SYT16: variants seen among roughly 807,000 people sequenced by gnomAD.
SYT16 encodes the protein synaptotagmin-16.
SYT16 carries 42 observed loss-of-function variants against 61.4 expected under a neutral mutation model. The observed-to-expected ratio is 0.68, with a 90% confidence interval of 0.53 to 0.89. SYT16 has a LOEUF of 0.89. SYT16 is among the 40% of genes least tolerant of loss of function. The pLI, the probability that SYT16 is intolerant of heterozygous loss-of-function variation, is 0.00. For missense variants in SYT16, 804 were observed against 807.3 expected (o/e 1.00, Z 0.05); for synonymous variants, 314 against 302.3 (o/e 1.04, Z -0.40).
chr14:62,016,280 G>T (rs1325501829), intron 3 of SYT16, among the ~76,000 whole-genome samples: 1 of 152,170 alleles, frequency 6.6e-6, no homozygotes, highest in African/African-American at 2.4e-5. Context: ...TTGTAGCAAA[G>T]ATGAGAGAGA....
At chr14:62,006,097 T>G (rs1308498256) in intron 3 of SYT16, among the ~76,000 whole-genome samples, 5 of 152,170 alleles carry the variant, frequency 3.3e-5, no homozygotes, top group Non-Finnish European at 7.3e-5. Context: ...TTCTCTTTCT[T>G]CAAAATATTT....
At chr14:61,841,677 C>T (rs1475390391) in intron 1 of SYT16, among the ~76,000 whole-genome samples, 2 of 152,170 alleles carry the variant, frequency 1.3e-5, no homozygotes, top group Non-Finnish European at 2.9e-5. Context: ...GTGGAGTCCC[C>T]AGACTTCATA....
chr14:61,820,839 A>T (rs1378822384), intron 1 of SYT16, among the ~76,000 whole-genome samples: 1 of 152,154 alleles, frequency 6.6e-6, no homozygotes, highest in African/African-American at 2.4e-5. Context: ...TTGAGCTTTA[A>T]AAAAGCTTAA....
intron 3 of SYT16, among the ~76,000 whole-genome samples, chr14:62,046,799 T>C (rs2055010032): frequency 6.6e-6 from 1 of 152,208 alleles, no homozygotes; most frequent in African/African-American, 2.4e-5. Context: ...CTCTGTTCTG[T>C]TCCATTGGTC....
intron 4 of SYT16, among the ~76,000 whole-genome samples, chr14:62,073,906 T>C (rs2056388450): frequency 6.6e-6 from 1 of 152,208 alleles, no homozygotes; most frequent in Admixed American, 6.5e-5. Flanking sequence ...CTTAGTACCA[T>C]CCAGAAGCTT....
intron 1 of SYT16, among the ~76,000 whole-genome samples, chr14:61,928,924 C>G (rs2049647909): frequency 6.6e-6 from 1 of 152,242 alleles, no homozygotes; most frequent in Non-Finnish European, 1.5e-5. Flanking sequence ...ACAAGCCTGA[C>G]ACTTCTTGTG....
At chr14:62,039,834 TACACACACACACACACACACACACACAC>T (rs71449576) in intron 3 of SYT16, among the ~76,000 whole-genome samples, 3 of 124,424 alleles carry the variant, frequency 2.4e-5, no homozygotes, top group African/African-American at 8.4e-5. Context: ...GGCTTAAGCA[TACACACACACACACACACACACACACAC>T]ACACACACAC....
At chr14:61,910,712 A>G (rs1173113242) in intron 1 of SYT16, among the ~76,000 whole-genome samples, 1 of 151,630 alleles carries the variant, frequency 6.6e-6, no homozygotes, top group Non-Finnish European at 1.5e-5. Context: ...TATTTTTAGT[A>G]GAGACAGGGT....
chr14:61,845,840 C>G (rs541456882), intron 1 of SYT16, among the ~76,000 whole-genome samples: 1 of 152,178 alleles, frequency 6.6e-6, no homozygotes, highest in Admixed American at 6.5e-5. Flanking sequence ...ATTGTTTTTG[C>G]TGTGTCTCAC....
intron 1 of SYT16, among the ~76,000 whole-genome samples, chr14:61,872,226 T>C (rs2047353177): frequency 6.6e-6 from 1 of 152,204 alleles, no homozygotes; most frequent in Admixed American, 6.5e-5. Context: ...TTTATTTCTT[T>C]GTAAATACAT....
intron 6 of SYT16, 133 bp downstream of exon 6, chr14:62,081,407 T>C: frequency 1.0e-6 from 1 of 976,964 alleles, no homozygotes; most frequent in East Asian, 2.6e-5. Flanking sequence ...CTCCTCACCC[T>C]TGTAAGCCAT....
At chr14:61,991,330 T>TTGTGTGTGTGTGTGTGTGTGTGTGTGTG in intron 2 of SYT16, among the ~76,000 whole-genome samples, 1 of 146,476 alleles carries the variant, frequency 6.8e-6, no homozygotes, top group South Asian at 2.2e-4. Context: ...TGTTTTTCAT[T>TTGTGTGTGTGTGTGTGTGTGTGTGTGTG]TGTGTGTGTG....
At chr14:61,976,037 A>C (rs973593013) in intron 2 of SYT16, among the ~76,000 whole-genome samples, 2 of 152,202 alleles carry the variant, frequency 1.3e-5, no homozygotes, top group Non-Finnish European at 2.9e-5. Context: ...ACCCATTCCA[A>C]ATGGGAGAAA....
intron 2 of SYT16, 96 bp from the exon 3 acceptor site, chr14:61,995,780 G>A: frequency 5.2e-6 from 2 of 385,986 alleles, no homozygotes; most frequent in Non-Finnish European, 9.1e-6. Flanking sequence ...ATCCCTTTTT[G>A]TGCCCAAATG....
intron 3 of SYT16, among the ~76,000 whole-genome samples, chr14:62,024,868 T>A (rs2054041907): frequency 6.6e-6 from 1 of 152,132 alleles, no homozygotes; most frequent in Non-Finnish European, 1.5e-5. Context: ...CAGAATGTTA[T>A]ATAGTTGGAC....
At chr14:61,877,523 G>T (rs2047542705) in intron 1 of SYT16, among the ~76,000 whole-genome samples, 1 of 152,162 alleles carries the variant, frequency 6.6e-6, no homozygotes, top group African/African-American at 2.4e-5. Context: ...GGTATAACCT[G>T]GGCCCCTGAG....
chr14:62,037,511 A>G (rs1485877922), intron 3 of SYT16, among the ~76,000 whole-genome samples: 3 of 152,136 alleles, frequency 2.0e-5, no homozygotes, highest in Middle Eastern at 3.2e-3. Flanking sequence ...AATTGTAAAA[A>G]CCAAACCATC....
chr14:61,835,936 T>C (rs903917147), intron 1 of SYT16, among the ~76,000 whole-genome samples: 1 of 152,220 alleles, frequency 6.6e-6, no homozygotes. Context: ...CCCACTCTCG[T>C]TGGCCTAGAA....
intron 1 of SYT16, among the ~76,000 whole-genome samples, chr14:61,834,780 G>C (rs1280147164): frequency 1.3e-5 from 2 of 152,082 alleles, no homozygotes; most frequent in South Asian, 2.1e-4. Context: ...CATCTATCCA[G>C]TTGTACTGGT....
Sources: allele counts gnomAD v4.1 joint callset (sites outside exome capture counted in the v4.1 genomes callset), GRCh38; gene constraint gnomAD v4.1.1; transcripts MANE v1.5; gene names NCBI Gene and HGNC (gene_info 2026-07-23, HGNC 2026-07-21).